The following SEC31A variants were observed in gnomAD, a reference collection of about 807,000 sequenced individuals.
SEC31A encodes the protein SEC31 homolog A, COPII component.
A neutral mutation model predicts 151.0 loss-of-function variants in SEC31A; 70 were observed. That is an observed-to-expected ratio of 0.46 (90% CI 0.38 to 0.57). The LOEUF (loss-of-function observed/expected upper bound fraction) is 0.57. SEC31A is among the 20% of genes least tolerant of loss of function. The probability of loss-of-function intolerance (pLI) is 0.00; values close to 1 mark genes in which losing one functional copy is unlikely to be tolerated. For synonymous variants in SEC31A, 475 were observed against 505.9 expected (o/e 0.94, Z 0.82); for missense variants, 1,330 against 1,471.2 (o/e 0.90, Z 1.57).
At chr4:82,837,198 TA>T (rs61116068) in intron 22 of SEC31A, among the ~76,000 whole-genome samples, 11,116 of 45,078 alleles carry the variant, frequency 0.25, 1,625 homozygotes, top group Non-Finnish European at 0.41. Context: ...TATATATATA[TA>T]ATTTCACCAC....
intron 6 of SEC31A, 24 bp downstream of exon 6, chr4:82,874,587 A>T: frequency 6.3e-7 from 1 of 1,576,068 alleles, no homozygotes. Context: ...CAACATGTTC[A>T]TCACAAGTCA....
chr4:82,818,930 G>A lies in SEC31A; in HGVS notation c.*144C>T. 2 of 585,198 alleles carry A rather than the reference G, an allele frequency of 3.4e-6. No individual in the cohort carries two copies. The highest frequency in any genetic ancestry group is 5.7e-6 in the Non-Finnish European group (2 of 348,970). The allele number at this position is 585,198 out of a possible 1,614,324, so 36.3% of individuals were successfully genotyped here. A position where few individuals can be genotyped will look rare whatever the true frequency, so the allele number is the denominator to read the frequency against. On this transcript the variant is annotated 3_prime_UTR_variant, in exon 27 of 27. Transcript: ENST00000395310. ...AGGGTTCTGAGCAGTTCTAAGGTGA[G>A]TATATCAGCAGAAATAGTGTAAATG... is the stretch of plus-strand genomic sequence containing the variant.
At chr4:82,891,367 C>G (rs1719736912), upstream of SEC31A, 1 of 617,650 alleles carries the variant, frequency 1.6e-6, no homozygotes. Flanking sequence ...GGTCATCGCG[C>G]CCCGGCGATC....
chr4:82,873,508 G>C (rs1737224010), intron 6 of SEC31A, among the ~76,000 whole-genome samples: 1 of 151,948 alleles, frequency 6.6e-6, no homozygotes, highest in East Asian at 1.9e-4. Flanking sequence ...ACATTATTAG[G>C]AACTATCTGC....
In SEC31A at chr4:82,842,123, C is replaced by T. The variant is rs1729058548; in HGVS notation, c.2968+17G>A. On this transcript the variant is annotated intron_variant, in intron 22 of 26. Transcript: ENST00000395310. ...AATAAAGGAGGGGGCCAAACCAAAT[C>T]CCTTTCAAGCGCAGACCTGTTCTTT... The T allele has an allele frequency of 6.6e-7, 1 of 1,522,252 alleles. No homozygotes were observed. The highest frequency in any genetic ancestry group is 1.4e-5 in the African/African-American group (1 of 72,150). 94.3% of individuals were successfully genotyped at this position (1,522,252 alleles called of 1,614,324 possible). A position where few individuals can be genotyped will look rare whatever the true frequency, so the allele number is the denominator to read the frequency against.
At chr4:82,859,782 C>G (rs1733645100) in intron 14 of SEC31A, among the ~76,000 whole-genome samples, 1 of 124,608 alleles carries the variant, frequency 8.0e-6, no homozygotes, top group Admixed American at 1.1e-4. Context: ...AACAAACTTG[C>G]ATAAAAATAT....
intron 17 of SEC31A, 47 bp downstream of exon 17, chr4:82,854,856 C>A (rs201915803): frequency 6.5e-7 from 1 of 1,537,662 alleles, no homozygotes; most frequent in South Asian, 1.3e-5. Context: ...TTACAATATA[C>A]CCTGCCACGT....
chr4:82,857,321 G>C (rs1732883641), intron 15 of SEC31A, among the ~76,000 whole-genome samples, 191 bp from the exon 16 acceptor site: 1 of 147,738 alleles, frequency 6.8e-6, no homozygotes. Context: ...GAAATATGCT[G>C]AGATAAATAC....
intron 22 of SEC31A, among the ~76,000 whole-genome samples, chr4:82,839,301 C>G (rs1041110312): frequency 9.2e-5 from 14 of 152,222 alleles, no homozygotes; most frequent in African/African-American, 3.4e-4. Context: ...CAGGCATGCA[C>G]CACCACGCCT....
At chr4:82,854,014 G>A (rs1364317882) in intron 17 of SEC31A, among the ~76,000 whole-genome samples, 1 of 151,870 alleles carries the variant, frequency 6.6e-6, no homozygotes, top group East Asian at 1.9e-4. Flanking sequence ...AACCCTAAAG[G>A]CACATTTGGA....
At chr4:82,858,425 C>T (rs1438250296) in intron 14 of SEC31A, among the ~76,000 whole-genome samples, 4 of 150,932 alleles carry the variant, frequency 2.7e-5, no homozygotes, top group Non-Finnish European at 4.4e-5. Flanking sequence ...GCACCTGTAG[C>T]CCCACCTACT....
chr4:82,859,764 C>A (rs1733641319), intron 14 of SEC31A, among the ~76,000 whole-genome samples: 1 of 150,562 alleles, frequency 6.6e-6, no homozygotes, highest in Admixed American at 6.7e-5. Flanking sequence ...GATCTAATTA[C>A]ATTCATTAAC....
upstream of SEC31A, chr4:82,892,879 T>C (rs888571494): frequency 6.6e-6 from 1 of 152,202 alleles, no homozygotes. Flanking sequence ...TTATGCATAT[T>C]GGAACTGTGC....
chr4:82,845,429 G>A (rs1482603947), intron 20 of SEC31A: 3 of 453,766 alleles, frequency 6.6e-6, no homozygotes, highest in Non-Finnish European at 1.1e-5. Context: ...CATTAGTCAG[G>A]CAACTGCTTT....
At chr4:82,840,729 TTACTG>T (rs1386927441) in intron 22 of SEC31A, among the ~76,000 whole-genome samples, 1 of 152,206 alleles carries the variant, frequency 6.6e-6, no homozygotes, top group African/African-American at 2.4e-5. Flanking sequence ...GTACATCATG[TTACTG>T]TACTGAACAC....
chr4:82,853,498 A>C, intron 18 of SEC31A, 72 bp downstream of exon 18: 3 of 1,277,876 alleles, frequency 2.3e-6, no homozygotes, highest in Non-Finnish European at 2.1e-6. Flanking sequence ...GAACTTATAG[A>C]TTATAACTTG....
At position 82,824,646 on chromosome 4, in the gene SEC31A, A is replaced by AT. The variant is rs764353087; in HGVS notation, c.3319dup (p.Ile1107AsnfsTer9). ...CTCATCTGGAATAGGTTTCTTGGTA[A>AT]TTTTTTTTGTTGGCAAAGACTGCAC... On this transcript the variant is annotated frameshift_variant, in exon 25 of 27. Coordinates refer to ENST00000395310, the MANE Select transcript of SEC31A (RefSeq NM_001077207.4). LOFTEE classifies it high-confidence loss of function. The AT allele has an allele frequency of 1.2e-6, 2 of 1,612,364 alleles. No homozygotes were observed. Among genetic ancestry groups the AT allele is most frequent in the Admixed American group, 1.7e-5 (1 of 59,880 alleles).
chr4:82,868,168 T>C (rs999070713), intron 8 of SEC31A, among the ~76,000 whole-genome samples: 3 of 152,162 alleles, frequency 2.0e-5, no homozygotes, highest in Non-Finnish European at 4.4e-5. Context: ...AACAGCTTCC[T>C]TTAGAAAGAA....
chr4:82,880,645 C>T (rs995803594), intron 3 of SEC31A, 154 bp downstream of exon 3: 1 of 613,168 alleles, frequency 1.6e-6, no homozygotes, highest in Non-Finnish European at 2.6e-6. Flanking sequence ...CTTTTACTTC[C>T]ATAAAAATTC....
Sources: allele counts gnomAD v4.1 joint callset (sites outside exome capture counted in the v4.1 genomes callset), GRCh38; gene constraint gnomAD v4.1.1; transcripts MANE v1.5; gene names NCBI Gene and HGNC (gene_info 2026-07-23, HGNC 2026-07-21).